Variants in TRAPPC2 observed in about 807,000 individuals in gnomAD.
TRAPPC2 encodes sedlin.
Under a neutral mutation model 10.0 loss-of-function variants are expected in TRAPPC2, and 4 were observed. The ratio of observed to expected loss-of-function variants is 0.40; its 90% CI spans 0.20 to 0.92. The LOEUF is 0.92. Among genes scored for constraint, TRAPPC2 ranks in the 40% least tolerant of loss-of-function variants. TRAPPC2 has a pLI of 0.35. For missense variants in TRAPPC2, 52 were observed against 108.7 expected, an observed-to-expected ratio of 0.48 and a Z score of 2.32; for synonymous variants, 36 against 37.3, an observed-to-expected ratio of 0.97 and a Z score of 0.12.
intron 2 of TRAPPC2, among the ~76,000 whole-genome samples, chrX:13,730,392 G>A (rs1179053205): frequency 1.8e-5 from 2 of 112,113 alleles, no homozygotes; most frequent in Non-Finnish European, 3.8e-5. Flanking sequence ...AGTTAGAATG[G>A]CAATCATTAA....
chrX:13,716,126 AAAAC>A (rs1451580445), intron 4 of TRAPPC2, 37 bp from the exon 5 acceptor site: 12 of 1,151,535 alleles, frequency 1.0e-5, no homozygotes, highest in African/African-American at 9.0e-5. Flanking sequence ...TTAGAAATGA[AAAAC>A]AAAAAGCAAC....
At chrX:13,717,412 T>G (rs1179521663) in intron 3 of TRAPPC2, among the ~76,000 whole-genome samples, 4 of 112,098 alleles carry the variant, frequency 3.6e-5, no homozygotes, top group African/African-American at 1.3e-4. Context: ...AATTCAGAAC[T>G]TGGAATGCAG....
chrX:13,719,793 A>C (rs1013201148), intron 3 of TRAPPC2, 78 bp downstream of exon 3: 2 of 751,682 alleles, frequency 2.7e-6, no homozygotes, highest in Non-Finnish European at 3.7e-6. Flanking sequence ...GATTTCAGTT[A>C]CCTTATCTGT....
intron 2 of TRAPPC2, among the ~76,000 whole-genome samples, chrX:13,723,972 G>A (rs2046484173): frequency 8.9e-6 from 1 of 111,933 alleles, no homozygotes; most frequent in African/African-American, 3.2e-5. Context: ...AAGTAGAATA[G>A]GGAAGCAAAA....
chrX:13,734,158 G>A lies in TRAPPC2; in HGVS notation c.-134C>T, dbSNP rs2046750846. The A allele has an allele frequency of 3.9e-6, 2 of 506,558 alleles. No homozygotes were observed. The highest frequency in any genetic ancestry group is 7.1e-6 in the Non-Finnish European group (2 of 282,246). 41.7% of individuals were successfully genotyped at this position (506,558 alleles called of 1,213,427 possible). A position where few individuals can be genotyped will look rare whatever the true frequency, so the allele number is the denominator to read the frequency against. On this transcript the variant is annotated 5_prime_UTR_variant, in exon 2 of 6. Coordinates refer to ENST00000380579, the MANE Select transcript of TRAPPC2 (RefSeq NM_001011658.4). Reference sequence around the variant, plus strand: ...CTGGCAATATCTGGAGACATCTTTGGTTGTCACACTTGGGGGAGAAGGTGA... The same window carrying A: ...CTGGCAATATCTGGAGACATCTTTGATTGTCACACTTGGGGGAGAAGGTGA...
chrX:13,719,738 C>A (rs2046368442), intron 3 of TRAPPC2, 133 bp downstream of exon 3: 1 of 475,827 alleles, frequency 2.1e-6, no homozygotes, highest in East Asian at 3.9e-5. Context: ...TGGCTGGCTT[C>A]TATCAGTCTG....
intron 2 of TRAPPC2, among the ~76,000 whole-genome samples, chrX:13,729,548 G>T (rs915825301): frequency 8.9e-6 from 1 of 112,475 alleles, no homozygotes; most frequent in South Asian, 3.6e-4. Flanking sequence ...CTAGCCATAT[G>T]TAGAAACCTG....
intron 2 of TRAPPC2, chrX:13,720,701 T>C (rs2046388514): frequency 8.9e-6 from 1 of 111,895 alleles, no homozygotes; most frequent in South Asian, 3.7e-4. Flanking sequence ...AAGGAAGACA[T>C]TCTGAGGCAC....
chrX:13,723,417 C>G (rs2046469746), intron 2 of TRAPPC2, among the ~76,000 whole-genome samples: 1 of 111,436 alleles, frequency 9.0e-6, no homozygotes, highest in Admixed American at 9.5e-5. Context: ...ATCTGCCCAC[C>G]TTGGCCTCCC....
intron 1 of TRAPPC2, 27 bp downstream of exon 1, chrX:13,734,498 C>T (rs1405067887): frequency 2.6e-5 from 6 of 226,784 alleles, no homozygotes; most frequent in Non-Finnish European, 1.5e-5. Context: ...AACACCCGCC[C>T]CCCGCCGCAC....
intron 3 of TRAPPC2, among the ~76,000 whole-genome samples, chrX:13,718,607 T>C (rs2046344872): frequency 8.9e-6 from 1 of 112,356 alleles, no homozygotes; most frequent in African/African-American, 3.2e-5. Context: ...ATGAGTAGTG[T>C]TCTCATAATA....
chrX:13,731,027 T>C (rs1480677647), intron 2 of TRAPPC2, among the ~76,000 whole-genome samples: 1 of 111,407 alleles, frequency 9.0e-6, no homozygotes, highest in Non-Finnish European at 1.9e-5. Context: ...GTATCAAACC[T>C]GCATGTTGTG....
intron 2 of TRAPPC2, among the ~76,000 whole-genome samples, chrX:13,729,925 A>AC (rs1413685692): frequency 9.0e-6 from 1 of 111,396 alleles, no homozygotes; most frequent in African/African-American, 3.3e-5. Flanking sequence ...CAAAAAACAA[A>AC]CAAAAAAAAG....
intron 2 of TRAPPC2, among the ~76,000 whole-genome samples, chrX:13,728,966 G>C (rs928464111): frequency 1.8e-5 from 2 of 111,465 alleles, no homozygotes; most frequent in Admixed American, 9.5e-5. Flanking sequence ...AATAGACAGA[G>C]AGCCAAAGCA....
chrX:13,714,580 G>T, intron 5 of TRAPPC2, 75 bp from the exon 6 acceptor site: 1 of 603,047 alleles, frequency 1.7e-6, no homozygotes, highest in Non-Finnish European at 2.5e-6. Flanking sequence ...TCATTTTAAA[G>T]TTTTAAATTA....
intron 5 of TRAPPC2, among the ~76,000 whole-genome samples, chrX:13,714,996 A>G (rs2046263946): frequency 8.9e-6 from 1 of 112,398 alleles, no homozygotes; most frequent in Non-Finnish European, 1.9e-5. Flanking sequence ...ACAGAAAATC[A>G]TTAAATGGAA....
intron 5 of TRAPPC2, chrX:13,715,726 C>G: frequency 1.2e-6 from 1 of 805,221 alleles, no homozygotes; most frequent in Non-Finnish European, 1.5e-6. Flanking sequence ...TTAGGGATCC[C>G]TAATAAAATC....
At chrX:13,716,835 T>C (rs1295243328) in intron 3 of TRAPPC2, 157 bp from the exon 4 acceptor site, 1 of 509,533 alleles carries the variant, frequency 2.0e-6, no homozygotes, top group Non-Finnish European at 3.2e-6. Context: ...AAAGATCTGT[T>C]TTCATATTAT....
intron 3 of TRAPPC2, among the ~76,000 whole-genome samples, chrX:13,718,674 C>T (rs2046346220): frequency 8.9e-6 from 1 of 112,367 alleles, no homozygotes; most frequent in South Asian, 3.6e-4. Flanking sequence ...AAATGCCTAT[C>T]TTATTTTGGT....
Sources: gnomAD v4.1 joint callset for allele counts (sites outside exome capture counted in the v4.1 genomes callset) on GRCh38, gnomAD v4.1.1 for gene constraint, MANE v1.5 for transcripts, NCBI Gene and HGNC (gene_info 2026-07-23, HGNC 2026-07-21) for gene names.